The following SMYD3 variants were observed in gnomAD, a reference collection of about 807,000 sequenced individuals.
The protein encoded by SMYD3 is SET and MYND domain containing 3, also known as histone-lysine N-methyltransferase SMYD3.
Under a neutral mutation model 57.7 loss-of-function variants are expected in SMYD3, and 36 were observed. The ratio of observed to expected loss-of-function variants is 0.62; its 90% CI spans 0.48 to 0.82. The LOEUF is 0.82. SMYD3 is among the 40% of genes least tolerant of loss of function. The pLI is 0.00. For synonymous variants in SMYD3, 211 were observed against 195.0 expected, an observed-to-expected ratio of 1.08 and a Z score of -0.68; for missense variants, 515 against 538.8, an observed-to-expected ratio of 0.96 and a Z score of 0.44.
chr1:245,750,363 T>A (rs996894594), intron 11 of SMYD3, among the ~76,000 whole-genome samples: 3 of 152,142 alleles, frequency 2.0e-5, no homozygotes, highest in Non-Finnish European at 2.9e-5. Flanking sequence ...CCAAGCCACA[T>A]AGAGGGAGGC....
At chr1:245,788,382 C>A (rs1165048776) in intron 10 of SMYD3, among the ~76,000 whole-genome samples, 1 of 152,216 alleles carries the variant, frequency 6.6e-6, no homozygotes, top group African/African-American at 2.4e-5. Flanking sequence ...GCTTTGTGGT[C>A]TGCATTCCTC....
chr1:246,383,936 A>G (rs1379511608), intron 1 of SMYD3, among the ~76,000 whole-genome samples: 1 of 152,212 alleles, frequency 6.6e-6, no homozygotes, highest in Non-Finnish European at 1.5e-5. Flanking sequence ...AAACAGAAAC[A>G]TTTATAGTCA....
At chr1:245,925,209 A>G (rs1275609856) in intron 7 of SMYD3, among the ~76,000 whole-genome samples, 1 of 152,172 alleles carries the variant, frequency 6.6e-6, no homozygotes, top group Non-Finnish European at 1.5e-5. Context: ...TTAACTTTCA[A>G]AAAATTAATA....
Position 245,749,537 on chromosome 1 carries a change from C to A in SMYD3, c.*26G>T. 3 of 1,573,068 alleles carry A rather than the reference C, an allele frequency of 1.9e-6. No individual in the cohort carries two copies. Among genetic ancestry groups the A allele is most frequent in the Non-Finnish European group, 1.8e-6 (2 of 1,142,760 alleles). On this transcript the variant is annotated 3_prime_UTR_variant, in exon 12 of 12. Coordinates refer to ENST00000490107, the MANE Select transcript of SMYD3 (RefSeq NM_001167740.2). ...ATAAGGCATTCAACAAAGACACACGCCGTATTTCCCTCTGACTGCGTTCCC... is the reference window on the plus strand; with the variant it reads ...ATAAGGCATTCAACAAAGACACACGACGTATTTCCCTCTGACTGCGTTCCC...
intron 5 of SMYD3, among the ~76,000 whole-genome samples, chr1:246,165,763 G>C (rs930988758): frequency 4.6e-5 from 7 of 152,014 alleles, no homozygotes; most frequent in Non-Finnish European, 2.9e-5. Flanking sequence ...GTTACTTACA[G>C]ATATATATAT....
chr1:246,241,025 T>A (rs143510340), intron 5 of SMYD3, among the ~76,000 whole-genome samples: 6,739 of 152,136 alleles, frequency 0.044, 234 homozygotes, highest in African/African-American at 0.086. Flanking sequence ...TATACACTCA[T>A]GTCATCTGCT....
intron 1 of SMYD3, among the ~76,000 whole-genome samples, chr1:246,483,181 C>T (rs1382056442): frequency 6.6e-6 from 1 of 152,150 alleles, no homozygotes; most frequent in Non-Finnish European, 1.5e-5. Context: ...GGATGACTTC[C>T]CCCTCGATGA....
In SMYD3 at chr1:246,382,644, C is replaced by T. The variant is rs2095722; in HGVS notation, c.165-27550G>A. ...ACCCAGGGTCCAAGTCCACCCTGGTCAACCCTAGTGCCAGGTTGCCCCACA... is the reference window on the plus strand; with the variant it reads ...ACCCAGGGTCCAAGTCCACCCTGGTTAACCCTAGTGCCAGGTTGCCCCACA... On this transcript the variant is annotated intron_variant, in intron 1 of 11. Transcript: ENST00000490107. Among the ~76,000 whole-genome samples the T allele has an allele frequency of 0.017, 2,647 of 152,182 alleles. 227 individuals carry two copies. In the East Asian group the frequency reaches 0.23, roughly 13 times the overall value.
chr1:246,124,102 A>G (rs530244053), intron 5 of SMYD3, among the ~76,000 whole-genome samples: 4 of 152,356 alleles, frequency 2.6e-5, no homozygotes, highest in African/African-American at 4.8e-5. Flanking sequence ...AACAAAGTCA[A>G]TAAGTGTTGA....
chr1:246,117,745 A>G (rs980800635), intron 5 of SMYD3, among the ~76,000 whole-genome samples: 1 of 152,226 alleles, frequency 6.6e-6, no homozygotes, highest in African/African-American at 2.4e-5. Context: ...TTACGTAGGT[A>G]AACGTGTGCC....
chr1:246,492,465 T>G (rs1022153856), intron 1 of SMYD3, among the ~76,000 whole-genome samples: 1 of 151,990 alleles, frequency 6.6e-6, no homozygotes, highest in Non-Finnish European at 1.5e-5. Context: ...CCCAAGAAAG[T>G]ACTGGGGCAA....
chr1:246,284,158 A>C (rs1331038556), intron 5 of SMYD3, among the ~76,000 whole-genome samples: 1 of 152,168 alleles, frequency 6.6e-6, no homozygotes, highest in Non-Finnish European at 1.5e-5. Context: ...AGGCTGTCAG[A>C]TGCTGCATAT....
intron 5 of SMYD3, among the ~76,000 whole-genome samples, chr1:246,236,890 T>C (rs894903662): frequency 6.6e-6 from 1 of 152,118 alleles, no homozygotes; most frequent in African/African-American, 2.4e-5. Context: ...GCACAAAGAC[T>C]GGGAATACTA....
intron 5 of SMYD3, among the ~76,000 whole-genome samples, chr1:246,036,684 G>T (rs1284620129): frequency 4.1e-5 from 6 of 147,390 alleles, no homozygotes; most frequent in African/African-American, 1.5e-4. Context: ...CTCCTGAGTA[G>T]CTGGGACTAC....
At chr1:246,503,093 A>G (rs2068482295) in intron 1 of SMYD3, among the ~76,000 whole-genome samples, 1 of 152,154 alleles carries the variant, frequency 6.6e-6, no homozygotes, top group South Asian at 2.1e-4. Flanking sequence ...CCCTCAACCC[A>G]TTTAACATCC....
chr1:245,820,857 C>A (rs1358540996), intron 10 of SMYD3, among the ~76,000 whole-genome samples: 1 of 151,206 alleles, frequency 6.6e-6, no homozygotes, highest in Non-Finnish European at 1.5e-5. Flanking sequence ...AGGATCTCTT[C>A]AAGGAGAACT....
chr1:246,149,997 ATC>A (rs1256905783), intron 5 of SMYD3, among the ~76,000 whole-genome samples: 1 of 152,206 alleles, frequency 6.6e-6, no homozygotes, highest in Non-Finnish European at 1.5e-5. Flanking sequence ...AGTTAATTTA[ATC>A]TCTCTGTTCT....
intron 5 of SMYD3, among the ~76,000 whole-genome samples, chr1:246,316,226 C>A (rs1294617068): frequency 1.3e-5 from 2 of 152,028 alleles, no homozygotes; most frequent in Non-Finnish European, 2.9e-5. Context: ...AAATATAACA[C>A]CTTTAATTAA....
At chr1:246,248,635 C>CTTTTTTT (rs1558348050) in intron 5 of SMYD3, among the ~76,000 whole-genome samples, 4 of 68,334 alleles carry the variant, frequency 5.9e-5, no homozygotes, top group East Asian at 3.2e-3. Context: ...CTCTGACTTT[C>CTTTTTTT]CTTTTTTTTT....
Sources: gnomAD v4.1 joint callset for allele counts (sites outside exome capture counted in the v4.1 genomes callset) on GRCh38, gnomAD v4.1.1 for gene constraint, MANE v1.5 for transcripts, NCBI Gene and HGNC (gene_info 2026-07-23, HGNC 2026-07-21) for gene names.